The following PCDHA11 variants were observed in gnomAD, a reference collection of about 807,000 sequenced individuals.
The protein encoded by PCDHA11 is protocadherin alpha-11.
In PCDHA11, 61 loss-of-function variants were observed where a neutral mutation model predicts 70.3. The ratio of observed to expected loss-of-function variants is 0.87; its 90% CI spans 0.71 to 1.07. The LOEUF is 1.07. Among genes scored for constraint, PCDHA11 ranks in the 50% least tolerant of loss-of-function variants. The pLI is 0.00. For missense variants in PCDHA11, 1,324 were observed against 1,237.5 expected (o/e 1.07, Z -1.05); for synonymous variants, 633 against 555.1 (o/e 1.14, Z -1.97).
At chr5:140,976,594 T>C (rs2096724606) in intron 1 of PCDHA11, among the ~76,000 whole-genome samples, 1 of 152,146 alleles carries the variant, frequency 6.6e-6, no homozygotes, top group Non-Finnish European at 1.5e-5. Flanking sequence ...ACTTTTGTGT[T>C]AAGGGGACCT....
At chr5:140,913,379 C>T (rs1554195889) in intron 1 of PCDHA11, among the ~76,000 whole-genome samples, 1 of 152,134 alleles carries the variant, frequency 6.6e-6, no homozygotes, top group Non-Finnish European at 1.5e-5. Context: ...CATATAGTGG[C>T]TCATCATAGC....
chr5:140,882,024 G>A lies in PCDHA11; in HGVS notation c.2391+10530G>A, dbSNP rs4151690. On this transcript the variant is annotated intron_variant, in intron 1 of 3. Transcript: ENST00000398640. ...AGGGGCAAAAAAATACTACATCAAT[G>A]GAAAATATGAAGACTGAGTCATACT... is the stretch of plus-strand genomic sequence containing the variant. 118 of 580,388 alleles carry A rather than the reference G, an allele frequency of 2.0e-4. 2 individuals carry two copies. The highest frequency in any genetic ancestry group is 1.6e-3 in the East Asian group (53 of 32,696). The allele number at this position is 580,388 out of a possible 1,614,324, so 36.0% of individuals were successfully genotyped here. A position where few individuals can be genotyped will look rare whatever the true frequency, so the allele number is the denominator to read the frequency against.
intron 1 of PCDHA11, among the ~76,000 whole-genome samples, chr5:140,887,432 C>G (rs2061445843): frequency 6.6e-6 from 1 of 152,120 alleles, no homozygotes; most frequent in Non-Finnish European, 1.5e-5. Flanking sequence ...AGTATTTTCA[C>G]TGGGCATAGT....
intron 3 of PCDHA11, among the ~76,000 whole-genome samples, chr5:140,983,425 C>A (rs1252010683): frequency 6.6e-6 from 1 of 152,198 alleles, no homozygotes; most frequent in Non-Finnish European, 1.5e-5. Context: ...GTAGAGACCA[C>A]AAATTGTGTC....
chr5:140,882,926 C>A (rs144073627), intron 1 of PCDHA11: 1 of 1,614,058 alleles, frequency 6.2e-7, no homozygotes, highest in Non-Finnish European at 8.5e-7. Flanking sequence ...TGGAGGTAAA[C>A]CCGAGCTGAC....
intron 3 of PCDHA11, among the ~76,000 whole-genome samples, chr5:141,006,502 C>T (rs987435396): frequency 1.8e-4 from 28 of 152,118 alleles, no homozygotes; most frequent in African/African-American, 2.9e-4. Context: ...TGTGAGCCAC[C>T]GCGCCTGGCT....
chr5:140,875,002 T>C (rs1441765842), intron 1 of PCDHA11, among the ~76,000 whole-genome samples: 2 of 152,238 alleles, frequency 1.3e-5, no homozygotes, highest in African/African-American at 4.8e-5. Context: ...TCATTTTCCA[T>C]GATAAAGTGT....
At chr5:140,958,484 G>A (rs246009) in intron 1 of PCDHA11, among the ~76,000 whole-genome samples, 85,541 of 151,786 alleles carry the variant, frequency 0.56, 24,705 homozygotes, top group African/African-American at 0.69. Flanking sequence ...AGAGCACTAA[G>A]TCCACATATC....
intron 3 of PCDHA11, among the ~76,000 whole-genome samples, chr5:141,007,680 C>G (rs1179621299): frequency 1.3e-5 from 2 of 152,148 alleles, no homozygotes; most frequent in African/African-American, 4.8e-5. Flanking sequence ...CAAAAGTTAT[C>G]CTACTTCCAC....
chr5:140,877,521 AG>A, intron 1 of PCDHA11: 1 of 1,613,770 alleles, frequency 6.2e-7, no homozygotes, highest in African/African-American at 1.3e-5. Context: ...CGCGGGCCTC[AG>A]TGGGCGCTGT....
In PCDHA11 at chr5:140,879,783, G is replaced by C. The variant is rs182330190; in HGVS notation, c.2391+8289G>C. Among the ~76,000 whole-genome samples, 12 of 152,280 alleles carry C rather than the reference G, an allele frequency of 7.9e-5. No homozygotes were observed. In the East Asian group the frequency reaches 2.3e-3, roughly 29 times the overall value. ...TTTGGAGGCCCCAGGGAAGAATCTGGTTTTTGTTTCTTCCAGTTTCTATTG... is the reference window on the plus strand; with the variant it reads ...TTTGGAGGCCCCAGGGAAGAATCTGCTTTTTGTTTCTTCCAGTTTCTATTG... On this transcript the variant is annotated intron_variant, in intron 1 of 3. Coordinates refer to ENST00000398640, the MANE Select transcript of PCDHA11 (RefSeq NM_018902.5).
chr5:140,964,531 C>T (rs781961669), intron 1 of PCDHA11, among the ~76,000 whole-genome samples: 4 of 152,058 alleles, frequency 2.6e-5, no homozygotes, highest in Non-Finnish European at 5.9e-5. Context: ...CTCTGAGCTG[C>T]GTGCAGAGAT....
At chr5:140,979,067 A>C (rs1938790025) in intron 2 of PCDHA11, 60 bp downstream of exon 2, 1 of 1,601,882 alleles carries the variant, frequency 6.2e-7, no homozygotes, top group Non-Finnish European at 8.5e-7. Flanking sequence ...GCTCAGATAA[A>C]CTGCATCTCC....
chr5:140,884,019 C>G, intron 1 of PCDHA11: 1 of 1,613,216 alleles, frequency 6.2e-7, no homozygotes. Flanking sequence ...ATGCCGCGGT[C>G]GGTGGGTGCA....
intron 3 of PCDHA11, among the ~76,000 whole-genome samples, chr5:140,993,156 A>G (rs2097543367): frequency 6.6e-6 from 1 of 152,188 alleles, no homozygotes; most frequent in Admixed American, 6.5e-5. Context: ...TGGATTCTAA[A>G]TATTTGCCTT....
In PCDHA11 at chr5:140,971,075, T is replaced by C. The variant is rs560795307; in HGVS notation, c.2392-7874T>C. 1.4e-4 allele frequency among the ~76,000 whole-genome samples: 22 copies of C among 152,322 alleles called. No homozygotes were observed. The South Asian group carries it at 3.7e-3, about 26-fold the overall frequency. ...CTTTAAATAAGGTTGCTGTAGACAT[T>C]TGCTTAACAAATTCTTGTGAAGCCC... is the stretch of plus-strand genomic sequence containing the variant. On this transcript the variant is annotated intron_variant, in intron 1 of 3. Transcript: ENST00000398640.
At chr5:140,898,597 G>C (rs1452719602) in intron 1 of PCDHA11, among the ~76,000 whole-genome samples, 12 of 152,188 alleles carry the variant, frequency 7.9e-5, no homozygotes, top group Admixed American at 1.3e-4. Context: ...CTGTAGCCTT[G>C]TAGTATAGTT....
chr5:140,932,222 A>T (rs2088129167), intron 1 of PCDHA11, among the ~76,000 whole-genome samples: 1 of 151,870 alleles, frequency 6.6e-6, no homozygotes, highest in African/African-American at 2.4e-5. Flanking sequence ...GGCAATTTAA[A>T]TTTTTTAGAA....
intron 2 of PCDHA11, among the ~76,000 whole-genome samples, chr5:140,979,327 C>T (rs1446940311): frequency 5.9e-5 from 9 of 152,078 alleles, no homozygotes; most frequent in African/African-American, 2.2e-4. Context: ...CTTTCTTTTC[C>T]TCCTTTAAAA....
Sources: gnomAD v4.1 joint callset for allele counts (sites outside exome capture counted in the v4.1 genomes callset) on GRCh38, gnomAD v4.1.1 for gene constraint, MANE v1.5 for transcripts, NCBI Gene and HGNC (gene_info 2026-07-23, HGNC 2026-07-21) for gene names.